Variants in ADAM22 observed in about 807,000 individuals in gnomAD.
The protein encoded by ADAM22 is disintegrin and metalloproteinase domain-containing protein 22.
A neutral mutation model predicts 144.6 loss-of-function variants in ADAM22; 65 were observed. That is an observed-to-expected ratio of 0.45 (90% CI 0.37 to 0.55). The LOEUF (loss-of-function observed/expected upper bound fraction) is 0.55. Ranked by LOEUF, ADAM22 falls within the 20% of genes least tolerant of loss-of-function variation. ADAM22 has a pLI of 0.00. For missense variants in ADAM22, 974 were observed against 1,184.9 expected, an observed-to-expected ratio of 0.82 and a Z score of 2.61; for synonymous variants, 391 against 412.6, an observed-to-expected ratio of 0.95 and a Z score of 0.63.
chr7:88,187,885 G>T (rs189536713), intron 30 of ADAM22, among the ~76,000 whole-genome samples: 2 of 151,942 alleles, frequency 1.3e-5, no homozygotes, highest in East Asian at 3.9e-4. Flanking sequence ...CGTAACTCCT[G>T]CCTGCTCACA....
intron 2 of ADAM22, among the ~76,000 whole-genome samples, chr7:87,974,895 C>G (rs1344939137): frequency 6.6e-6 from 1 of 152,286 alleles, no homozygotes; most frequent in Non-Finnish European, 1.5e-5. Context: ...TCTTAGCACT[C>G]TGATCTCTAC....
intron 30 of ADAM22, among the ~76,000 whole-genome samples, chr7:88,187,362 ATGT>A (rs939361064): frequency 2.6e-5 from 4 of 152,338 alleles, no homozygotes; most frequent in African/African-American, 4.8e-5. Context: ...GCTTATAAAA[ATGT>A]TGTTATCTAA....
intron 13 of ADAM22, 78 bp downstream of exon 13, chr7:88,134,497 G>T: frequency 2.8e-6 from 3 of 1,068,404 alleles, no homozygotes; most frequent in Admixed American, 2.8e-5. Context: ...AAAATTTTTT[G>T]ATTTAGTTGC....
intron 4 of ADAM22, among the ~76,000 whole-genome samples, chr7:88,079,467 T>A (rs947334964): frequency 1.4e-4 from 21 of 152,266 alleles, no homozygotes; most frequent in African/African-American, 5.1e-4. Context: ...GCTAACATCA[T>A]AATGACAGGA....
chr7:88,089,557 C>A (rs151242347), intron 4 of ADAM22, among the ~76,000 whole-genome samples: 186 of 152,188 alleles, frequency 1.2e-3, no homozygotes, highest in African/African-American at 4.3e-3. Flanking sequence ...TTCCAAAGTG[C>A]CTTCCTTATT....
In ADAM22 at chr7:88,054,588, C is replaced by CTGTGTGTGTGTGTGTG. The variant is rs58027941; in HGVS notation, c.324-21009_324-20994dup. 9.6e-3 allele frequency among the ~76,000 whole-genome samples: 1,265 copies of CTGTGTGTGTGTGTGTG among 132,248 alleles called. 36 individuals carry two copies. Among genetic ancestry groups the CTGTGTGTGTGTGTGTG allele is most frequent in the Non-Finnish European group, 0.012 (744 of 61,740 alleles). The allele number at this position is 132,248 out of a possible 152,430, so 86.8% of individuals were successfully genotyped here. ...TTTCCAGGCCTGATTAGGTGCCCTC[C>CTGTGTGTGTGTGTGTG]TGTGTGTGTGTGTGTGTGTGTGTGT... On this transcript the variant is annotated intron_variant, in intron 3 of 31. Coordinates refer to ENST00000413139, the MANE Select transcript of ADAM22 (RefSeq NM_001324418.2).
intron 3 of ADAM22, among the ~76,000 whole-genome samples, chr7:88,012,149 G>C (rs1014893789): frequency 6.6e-6 from 1 of 151,618 alleles, no homozygotes; most frequent in Non-Finnish European, 1.5e-5. Context: ...CCTATCAAAG[G>C]CATTCTTCAT....
chr7:88,137,373 T>G (rs1833250742), intron 14 of ADAM22, among the ~76,000 whole-genome samples: 1 of 152,208 alleles, frequency 6.6e-6, no homozygotes, highest in Non-Finnish European at 1.5e-5. Context: ...CATTTTCATT[T>G]GCAATCTCCT....
At chr7:87,976,146 G>A (rs774048547) in intron 2 of ADAM22, among the ~76,000 whole-genome samples, 17 of 152,196 alleles carry the variant, frequency 1.1e-4, no homozygotes, top group Admixed American at 3.3e-4. Flanking sequence ...CTGAGGTCTT[G>A]ATGTGATATT....
At chr7:88,015,552 AAAG>A (rs1481617463) in intron 3 of ADAM22, among the ~76,000 whole-genome samples, 1 of 152,220 alleles carries the variant, frequency 6.6e-6, no homozygotes, top group Non-Finnish European at 1.5e-5. Context: ...ATCAAATAAA[AAAG>A]CTGCATTCAT....
Position 88,086,584 on chromosome 7 carries a change from T to G in ADAM22, c.390+10892T>G, listed in dbSNP as rs116680571. 2.2e-3 allele frequency among the ~76,000 whole-genome samples: 336 copies of G among 152,364 alleles called. 1 individual carries two copies. The highest frequency in any genetic ancestry group is 7.8e-3 in the African/African-American group (323 of 41,600). On this transcript the variant is annotated intron_variant, in intron 4 of 31. Coordinates refer to ENST00000413139, the MANE Select transcript of ADAM22 (RefSeq NM_001324418.2). ...CACTTACGTTTATTTTCAATCCATT[T>G]AAAAATTAAATTCTTAATTTACTCA... is the stretch of plus-strand genomic sequence containing the variant.
At position 88,202,775 on chromosome 7, in the gene ADAM22, G is replaced by C. The variant is rs1294995325; in HGVS notation, c.*6284G>C. On this transcript the variant is annotated 3_prime_UTR_variant, in exon 32 of 32. Transcript: ENST00000413139. ...ACTGTAACTTAAGGTTCAAATTTCT[G>C]GCACAGTTTTATTAGTATTCACTTC... 1.3e-5 allele frequency: 2 copies of C among 152,110 alleles called. No individual in the cohort carries two copies. The highest frequency in any genetic ancestry group is 1.3e-4 in the Admixed American group (2 of 15,272). 9.4% of individuals were successfully genotyped at this position (152,110 alleles called of 1,614,324 possible). A position where few individuals can be genotyped will look rare whatever the true frequency, so the allele number is the denominator to read the frequency against.
chr7:88,172,369 T>C (rs1844548503), intron 26 of ADAM22, among the ~76,000 whole-genome samples: 1 of 151,898 alleles, frequency 6.6e-6, no homozygotes, highest in African/African-American at 2.4e-5. Flanking sequence ...TAAAATATTA[T>C]CCTGGAAACT....
intron 14 of ADAM22, among the ~76,000 whole-genome samples, chr7:88,137,336 A>G (rs1333997949): frequency 1.3e-5 from 2 of 152,204 alleles, no homozygotes; most frequent in East Asian, 3.8e-4. Context: ...TCTTAACTTC[A>G]TTATTTAGAT....
In ADAM22 at chr7:88,165,789, A is replaced by G. The variant is rs1326741220; in HGVS notation, c.2077-43A>G. On this transcript the variant is annotated intron_variant, in intron 23 of 31. Coordinates refer to ENST00000413139, the MANE Select transcript of ADAM22 (RefSeq NM_001324418.2). ...TAGTGTTTATTTTTCATGCTTCTGT[A>G]CCAGAGAGTTGACATTTACTCTAGC... 4 of 1,378,390 alleles carry G rather than the reference A, an allele frequency of 2.9e-6. No individual in the cohort carries two copies. In the African/African-American group the frequency reaches 5.8e-5, roughly 20 times the overall value. The allele number at this position is 1,378,390 out of a possible 1,614,324, so 85.4% of individuals were successfully genotyped here. A position where few individuals can be genotyped will look rare whatever the true frequency, so the allele number is the denominator to read the frequency against.
chr7:88,157,519 A>G (rs981249631), intron 22 of ADAM22, among the ~76,000 whole-genome samples: 1 of 152,176 alleles, frequency 6.6e-6, no homozygotes, highest in Non-Finnish European at 1.5e-5. Context: ...TTATGCTACA[A>G]ATTTCTCAGG....
chr7:88,069,435 A>C (rs1812165624), intron 3 of ADAM22, among the ~76,000 whole-genome samples: 1 of 152,158 alleles, frequency 6.6e-6, no homozygotes, highest in African/African-American at 2.4e-5. Context: ...AGACTAAGAC[A>C]CACAATATCA....
intron 2 of ADAM22, among the ~76,000 whole-genome samples, chr7:87,964,373 T>C (rs1478676992): frequency 6.6e-6 from 1 of 152,168 alleles, no homozygotes; most frequent in African/African-American, 2.4e-5. Flanking sequence ...CAAAGATGAT[T>C]TGGAGTCAGT....
At chr7:88,087,181 C>T (rs1483662709) in intron 4 of ADAM22, among the ~76,000 whole-genome samples, 1 of 152,078 alleles carries the variant, frequency 6.6e-6, no homozygotes, top group Non-Finnish European at 1.5e-5. Flanking sequence ...ATTCGGTGTA[C>T]ATTCTATAAT....
Sources: gnomAD v4.1 joint callset for allele counts (sites outside exome capture counted in the v4.1 genomes callset) on GRCh38, gnomAD v4.1.1 for gene constraint, MANE v1.5 for transcripts, NCBI Gene and HGNC (gene_info 2026-07-23, HGNC 2026-07-21) for gene names.